The following SH3RF3 variants were observed in gnomAD, a reference collection of about 807,000 sequenced individuals.
SH3RF3 encodes the protein SH3 domain containing ring finger 3, also known as E3 ubiquitin-protein ligase SH3RF3.
SH3RF3 carries 29 observed loss-of-function variants against 66.3 expected under a neutral mutation model. That is an observed-to-expected ratio of 0.44 (90% CI 0.33 to 0.60). The LOEUF (loss-of-function observed/expected upper bound fraction) is 0.60, where lower values mean the gene tolerates loss of function less well. SH3RF3 is among the 20% of genes least tolerant of loss of function. The pLI is 0.04. For synonymous variants in SH3RF3, 583 were observed against 532.0 expected, an observed-to-expected ratio of 1.10 and a Z score of -1.32; for missense variants, 1,194 against 1,190.9, an observed-to-expected ratio of 1.00 and a Z score of -0.04.
At chr2:109,191,996 C>A (rs1380289117) in intron 1 of SH3RF3, among the ~76,000 whole-genome samples, 4 of 152,206 alleles carry the variant, frequency 2.6e-5, no homozygotes, top group African/African-American at 4.8e-5. Flanking sequence ...AAACCCTCCC[C>A]CTCCACCTCA....
At chr2:109,174,974 A>T (rs538455794) in intron 1 of SH3RF3, among the ~76,000 whole-genome samples, 1 of 152,286 alleles carries the variant, frequency 6.6e-6, no homozygotes, top group East Asian at 1.9e-4. Flanking sequence ...TTAAAGAGTG[A>T]TTTATACCTT....
chr2:109,192,184 C>T (rs566447039), intron 1 of SH3RF3, among the ~76,000 whole-genome samples: 171 of 152,296 alleles, frequency 1.1e-3, no homozygotes, highest in Non-Finnish European at 1.6e-3. Context: ...GGCACTAACT[C>T]GTCCACTCCA....
chr2:109,224,161 A>C (rs574006911), intron 1 of SH3RF3, among the ~76,000 whole-genome samples: 1 of 152,158 alleles, frequency 6.6e-6, no homozygotes, highest in Non-Finnish European at 1.5e-5. Flanking sequence ...TGGCAGGCCT[A>C]GAGAGTGTGT....
intron 1 of SH3RF3, among the ~76,000 whole-genome samples, chr2:109,248,307 A>C (rs1444539693): frequency 1.3e-5 from 2 of 152,146 alleles, no homozygotes; most frequent in Non-Finnish European, 2.9e-5. Context: ...TTGTTTTAAA[A>C]ATCTTCCCCA....
chr2:109,300,382 G>A (rs1355268485), intron 1 of SH3RF3, among the ~76,000 whole-genome samples: 2 of 152,046 alleles, frequency 1.3e-5, no homozygotes, highest in African/African-American at 4.8e-5. Flanking sequence ...GTTTCACCAC[G>A]TTGGTCAGGC....
At chr2:109,348,165 T>C (rs946064322) in intron 2 of SH3RF3, among the ~76,000 whole-genome samples, 7 of 152,224 alleles carry the variant, frequency 4.6e-5, no homozygotes, top group African/African-American at 1.7e-4. Flanking sequence ...GGGCACCAGC[T>C]TGACACACAG....
intron 8 of SH3RF3, among the ~76,000 whole-genome samples, chr2:109,453,267 C>T (rs1677939440): frequency 6.6e-6 from 1 of 152,214 alleles, no homozygotes; most frequent in Non-Finnish European, 1.5e-5. Flanking sequence ...CATATTGCTC[C>T]CTGCAGGGGC....
intron 6 of SH3RF3, among the ~76,000 whole-genome samples, chr2:109,436,675 T>C (rs1677408951): frequency 6.6e-6 from 1 of 152,246 alleles, no homozygotes; most frequent in African/African-American, 2.4e-5. Flanking sequence ...GGCTTTGCTA[T>C]CTCTTAAATA....
intron 5 of SH3RF3, among the ~76,000 whole-genome samples, chr2:109,429,036 G>A (rs758591298): frequency 6.6e-6 from 1 of 152,176 alleles, no homozygotes; most frequent in Non-Finnish European, 1.5e-5. Context: ...ACTCACAGAC[G>A]TTGGTGAGAA....
chr2:109,476,574 G>A (rs1326196393), intron 8 of SH3RF3, among the ~76,000 whole-genome samples: 1 of 152,148 alleles, frequency 6.6e-6, no homozygotes, highest in Admixed American at 6.5e-5. Flanking sequence ...TAAAGCTCTC[G>A]GGCTCTCCAT....
At chr2:109,413,887 A>G (rs1676656812) in intron 4 of SH3RF3, among the ~76,000 whole-genome samples, 1 of 152,158 alleles carries the variant, frequency 6.6e-6, no homozygotes, top group Non-Finnish European at 1.5e-5. Context: ...GAGTGGGATC[A>G]AGAGGTGTAA....
At chr2:109,360,877 A>T (rs552996892) in intron 2 of SH3RF3, among the ~76,000 whole-genome samples, 1 of 152,222 alleles carries the variant, frequency 6.6e-6, no homozygotes, top group Non-Finnish European at 1.5e-5. Flanking sequence ...GGCAGAGAGT[A>T]CATTCTTGCC....
chr2:109,222,662 G>A (rs1679282812), intron 1 of SH3RF3, among the ~76,000 whole-genome samples: 1 of 152,200 alleles, frequency 6.6e-6, no homozygotes, highest in African/African-American at 2.4e-5. Flanking sequence ...TGGCCCTGTG[G>A]AGCCTGGCCA....
At chr2:109,170,671 T>C (rs767738333) in intron 1 of SH3RF3, among the ~76,000 whole-genome samples, 35 of 152,134 alleles carry the variant, frequency 2.3e-4, no homozygotes, top group Non-Finnish European at 4.3e-4. Context: ...TTCCTAAGGG[T>C]TCATCCTGCT....
intron 2 of SH3RF3, among the ~76,000 whole-genome samples, chr2:109,353,888 C>A (rs538730086): frequency 6.6e-6 from 1 of 152,206 alleles, no homozygotes; most frequent in Admixed American, 6.5e-5. Flanking sequence ...AGCCCTCAGA[C>A]CCCCTGAGGG....
At chr2:109,485,749 G>C (rs1256131729) in intron 8 of SH3RF3, among the ~76,000 whole-genome samples, 1 of 152,246 alleles carries the variant, frequency 6.6e-6, no homozygotes, top group Non-Finnish European at 1.5e-5. Flanking sequence ...AAACACACAT[G>C]GCTTTTTCTG....
intron 4 of SH3RF3, among the ~76,000 whole-genome samples, chr2:109,412,078 G>T (rs1676604991): frequency 6.6e-6 from 1 of 152,244 alleles, no homozygotes; most frequent in South Asian, 2.1e-4. Context: ...ACCGAGCCCT[G>T]TGGGTTGCTT....
chr2:109,162,435 T>C (rs1310386231), intron 1 of SH3RF3, among the ~76,000 whole-genome samples: 1 of 152,216 alleles, frequency 6.6e-6, no homozygotes, highest in Non-Finnish European at 1.5e-5. Flanking sequence ...TTATTATACT[T>C]TAAGTTTTAG....
chr2:109,261,673 A>T (rs1314006398), intron 1 of SH3RF3, among the ~76,000 whole-genome samples: 1 of 152,206 alleles, frequency 6.6e-6, no homozygotes, highest in Non-Finnish European at 1.5e-5. Flanking sequence ...CCATGACGAC[A>T]GGTAAAGCTT....
Sources: allele counts gnomAD v4.1 joint callset (sites outside exome capture counted in the v4.1 genomes callset), GRCh38; gene constraint gnomAD v4.1.1; transcripts MANE v1.5; gene names NCBI Gene and HGNC (gene_info 2026-07-23, HGNC 2026-07-21).